Variants in NF1 observed in about 807,000 individuals in gnomAD.
NF1 encodes the protein neurofibromin 1, also known as neurofibromin.
Under a neutral mutation model 325.7 loss-of-function variants are expected in NF1, and 122 were observed. That is an observed-to-expected ratio of 0.37 (90% confidence interval 0.32 to 0.44). NF1 has a LOEUF of 0.44. Ranked by LOEUF, NF1 falls within the 20% of genes least tolerant of loss-of-function variation. The pLI, the probability that NF1 is intolerant of heterozygous loss-of-function variation, is 1.00. For missense variants in NF1, 2,140 were observed against 3,415.4 expected, an observed-to-expected ratio of 0.63 and a Z score of 9.31; for synonymous variants, 1,091 against 1,186.0, an observed-to-expected ratio of 0.92 and a Z score of 1.65.
At chr17:31,228,938 T>C (rs1411878023) in intron 20 of NF1, 87 bp from the exon 21 acceptor site, 4 of 1,061,346 alleles carry the variant, frequency 3.8e-6, no homozygotes, top group Non-Finnish European at 5.5e-6. Flanking sequence ...ACTTTTGTCA[T>C]GGAAGAAATG....
At chr17:31,292,854 C>T (rs1240879649) in intron 36 of NF1, among the ~76,000 whole-genome samples, 1 of 152,012 alleles carries the variant, frequency 6.6e-6, no homozygotes, top group African/African-American at 2.4e-5. Context: ...TTTTTGGTAT[C>T]CTCAGAGGAA....
chr17:31,338,680 T>TA, intron 45 of NF1, 24 bp from the exon 46 acceptor site: 1 of 1,473,644 alleles, frequency 6.8e-7, no homozygotes, highest in African/African-American at 1.4e-5. Context: ...GAAAGTAAAA[T>TA]AAAAAATTCT....
At chr17:31,230,187 G>C (rs2151431287) in intron 22 of NF1, 73 bp from the exon 23 acceptor site, 1 of 1,539,882 alleles carries the variant, frequency 6.5e-7, no homozygotes, top group Non-Finnish European at 8.9e-7. Context: ...TTTACTTGAT[G>C]ACTAAAGTAT....
intron 1 of NF1, among the ~76,000 whole-genome samples, chr17:31,146,315 G>C (rs1252047770): frequency 6.6e-6 from 1 of 152,054 alleles, no homozygotes; most frequent in Non-Finnish European, 1.5e-5. Context: ...TTCTTTCCTA[G>C]CCAGGCCCCT....
intron 1 of NF1, among the ~76,000 whole-genome samples, chr17:31,141,217 A>T (rs1228231627): frequency 1.3e-5 from 2 of 151,246 alleles, no homozygotes; most frequent in Admixed American, 6.6e-5. Context: ...TTTTTTTTTT[A>T]AAGGTATTGT....
chr17:31,248,730 C>T (rs1192578949), intron 29 of NF1, among the ~76,000 whole-genome samples: 1 of 151,998 alleles, frequency 6.6e-6, no homozygotes, highest in Non-Finnish European at 1.5e-5. Context: ...ACCATGTTGG[C>T]CAGGCTGGTC....
chr17:31,314,329 CA>C (rs2068966364), intron 36 of NF1: 1 of 222,614 alleles, frequency 4.5e-6, no homozygotes, highest in African/African-American at 2.3e-5. Flanking sequence ...GAGAAAATTA[CA>C]TGTTCTAAGA....
intron 34 of NF1, 135 bp downstream of exon 34, chr17:31,260,650 C>CT (rs1390114504): frequency 8.7e-7 from 1 of 1,154,636 alleles, no homozygotes; most frequent in Non-Finnish European, 1.3e-6. Context: ...GAGAAAGATT[C>CT]TTTTTTTCAA....
At chr17:31,366,148 T>C (rs2070515697) in intron 57 of NF1, among the ~76,000 whole-genome samples, 1 of 152,078 alleles carries the variant, frequency 6.6e-6, no homozygotes, top group Admixed American at 6.6e-5. Context: ...TTGGCCATGC[T>C]GGTCTCGAAC....
intron 1 of NF1, among the ~76,000 whole-genome samples, chr17:31,146,216 G>C (rs1252556492): frequency 6.6e-6 from 1 of 152,090 alleles, no homozygotes; most frequent in Non-Finnish European, 1.5e-5. Context: ...CAGGCTCATT[G>C]GTTGTTGGCA....
At chr17:31,285,655 C>G (rs1052122490) in intron 36 of NF1, among the ~76,000 whole-genome samples, 3 of 152,130 alleles carry the variant, frequency 2.0e-5, no homozygotes, top group Non-Finnish European at 2.9e-5. Flanking sequence ...CGAGACAAAC[C>G]TAGGCAACAT....
At chr17:31,260,631 G>T in intron 34 of NF1, 116 bp downstream of exon 34, 4 of 1,255,676 alleles carry the variant, frequency 3.2e-6, no homozygotes, top group Non-Finnish European at 4.6e-6. Context: ...AAGAATTATG[G>T]TTTAGAAAGA....
intron 1 of NF1, among the ~76,000 whole-genome samples, chr17:31,153,119 C>T (rs1488296516): frequency 6.6e-6 from 1 of 151,962 alleles, no homozygotes; most frequent in Non-Finnish European, 1.5e-5. Flanking sequence ...CCCCTGTTTT[C>T]AGTTTGGAGT....
At chr17:31,288,714 C>T (rs767911643) in intron 36 of NF1, among the ~76,000 whole-genome samples, 1 of 151,662 alleles carries the variant, frequency 6.6e-6, no homozygotes. Context: ...TTTTTAGTAG[C>T]GATAGGGTTT....
intron 57 of NF1, chr17:31,367,125 A>G: frequency 1.7e-6 from 1 of 582,632 alleles, no homozygotes; most frequent in Non-Finnish European, 2.6e-6. Flanking sequence ...TCTGAAAACC[A>G]AGGAACATTA....
At chr17:31,373,783 G>C (rs1023734405) in intron 57 of NF1, among the ~76,000 whole-genome samples, 1 of 152,192 alleles carries the variant, frequency 6.6e-6, no homozygotes, top group Non-Finnish European at 1.5e-5. Flanking sequence ...ATGGTAACCT[G>C]CTGTACAGGT....
chr17:31,168,147 T>C (rs2065874776), intron 4 of NF1, among the ~76,000 whole-genome samples: 1 of 152,194 alleles, frequency 6.6e-6, no homozygotes, highest in South Asian at 2.1e-4. Context: ...TTAAAACTAT[T>C]CATTGTGGAA....
intron 29 of NF1, among the ~76,000 whole-genome samples, chr17:31,236,756 T>C (rs1302428306): frequency 6.6e-6 from 1 of 151,864 alleles, no homozygotes; most frequent in East Asian, 1.9e-4. Context: ...CAGCCCAGAG[T>C]GCAGTTTAAA....
In NF1 at chr17:31,201,063, A is replaced by G. The variant is rs757508086; in HGVS notation, c.1089A>G (p.Pro363=). ...ACCTGCTTTTTAATCCAAGTAAGCCATTCTCAAGAGGCAGTCAGCCTGCAG... is the reference window on the plus strand; with the variant it reads ...ACCTGCTTTTTAATCCAAGTAAGCCGTTCTCAAGAGGCAGTCAGCCTGCAG... The part of the protein sequence containing the change: ...LKNLLFNPSK[P]FSRGSQPADV... The change falls in exon 10 of 58, where the codon CCA becomes CCG. Residue 363 remains proline, a synonymous_variant. Coordinates refer to ENST00000358273, the MANE Select transcript of NF1 (RefSeq NM_001042492.3). The G allele has an allele frequency of 1.7e-5, 28 of 1,613,890 alleles. No homozygotes were observed. The highest frequency in any genetic ancestry group is 2.4e-5 in the Non-Finnish European group (28 of 1,180,000).
Sources: gnomAD v4.1 joint callset for allele counts (sites outside exome capture counted in the v4.1 genomes callset) on GRCh38, gnomAD v4.1.1 for gene constraint, MANE v1.5 for transcripts, NCBI Gene and HGNC (gene_info 2026-07-23, HGNC 2026-07-21) for gene names.